TJP1: variants seen among roughly 807,000 people sequenced by gnomAD.
The protein encoded by TJP1 is tight junction protein 1.
TJP1 carries 43 observed loss-of-function variants against 194.2 expected under a neutral mutation model. The ratio of observed to expected loss-of-function variants is 0.22; its 90% CI spans 0.17 to 0.29. The LOEUF (loss-of-function observed/expected upper bound fraction) is 0.29, where lower values mean the gene tolerates loss of function less well. Ranked by LOEUF, TJP1 falls within the 10% of genes least tolerant of loss-of-function variation. TJP1 has a pLI of 1.00. For missense variants in TJP1, 1,971 were observed against 2,185.7 expected, an observed-to-expected ratio of 0.90 and a Z score of 1.96; for synonymous variants, 801 against 779.0, an observed-to-expected ratio of 1.03 and a Z score of -0.47.
At chr15:29,833,024 A>G (rs1346778799) in intron 2 of TJP1, among the ~76,000 whole-genome samples, 4 of 151,962 alleles carry the variant, frequency 2.6e-5, no homozygotes, top group African/African-American at 9.7e-5. Context: ...AGCAGATTCC[A>G]CTCTGTGTAC....
intron 2 of TJP1, among the ~76,000 whole-genome samples, chr15:29,891,361 C>G (rs920343245): frequency 1.3e-5 from 2 of 152,158 alleles, no homozygotes; most frequent in African/African-American, 2.4e-5. Context: ...CCTTTTTGGT[C>G]ATCTTTTCTT....
At chr15:29,960,403 C>A (rs1471247413) in intron 1 of TJP1, among the ~76,000 whole-genome samples, 4 of 151,970 alleles carry the variant, frequency 2.6e-5, no homozygotes, top group African/African-American at 9.7e-5. Context: ...GAGGCCGAGA[C>A]ATGAGGATCT....
At chr15:29,803,264 A>T (rs1452235683) in intron 1 of TJP1, among the ~76,000 whole-genome samples, 2 of 152,192 alleles carry the variant, frequency 1.3e-5, no homozygotes, top group African/African-American at 2.4e-5. Flanking sequence ...TCGAATACAG[A>T]CAGTCCCTGA....
intron 2 of TJP1, among the ~76,000 whole-genome samples, chr15:29,931,149 T>TA (rs1293610800): frequency 6.6e-6 from 1 of 152,146 alleles, no homozygotes; most frequent in African/African-American, 2.4e-5. Context: ...AAAATGTTGT[T>TA]AAAAAAATCA....
At chr15:29,949,472 A>T (rs1328016049) in intron 2 of TJP1, among the ~76,000 whole-genome samples, 61 of 91,028 alleles carry the variant, frequency 6.7e-4, no homozygotes, top group East Asian at 1.4e-3. Flanking sequence ...CACCACCACC[A>T]CCTCCACAAC....
At chr15:29,871,745 G>A (rs1178153865) in intron 2 of TJP1, among the ~76,000 whole-genome samples, 2 of 152,202 alleles carry the variant, frequency 1.3e-5, no homozygotes, top group East Asian at 3.9e-4. Context: ...GAGACCCGAG[G>A]GAGAACTGCC....
intron 11 of TJP1, among the ~76,000 whole-genome samples, chr15:29,736,079 AG>A (rs2044015075): frequency 6.6e-6 from 1 of 152,184 alleles, no homozygotes; most frequent in East Asian, 1.9e-4. Context: ...ATGGAATCTA[AG>A]GAAAAAAGTA....
chr15:29,712,916 A>G (rs1051777597), intron 23 of TJP1, among the ~76,000 whole-genome samples: 7 of 152,154 alleles, frequency 4.6e-5, no homozygotes, highest in Admixed American at 3.3e-4. Context: ...GGAATGGTAA[A>G]TGGAGAGATA....
chr15:29,846,492 AG>A (rs2051415135), intron 2 of TJP1, among the ~76,000 whole-genome samples: 1 of 152,092 alleles, frequency 6.6e-6, no homozygotes, highest in Non-Finnish European at 1.5e-5. Flanking sequence ...CCTGGATAAA[AG>A]GGGGAAATGA....
chr15:29,751,926 T>C (rs905294894), intron 8 of TJP1, among the ~76,000 whole-genome samples: 1 of 152,244 alleles, frequency 6.6e-6, no homozygotes, highest in African/African-American at 2.4e-5. Context: ...CTTTTTATTT[T>C]TGTACTACTT....
chr15:29,819,682 G>A (rs2050190886), intron 1 of TJP1, among the ~76,000 whole-genome samples: 1 of 152,222 alleles, frequency 6.6e-6, no homozygotes, highest in Middle Eastern at 3.4e-3. Flanking sequence ...TACAACACTA[G>A]AAGACACTGA....
At chr15:29,783,033 G>A (rs1339624853) in intron 2 of TJP1, among the ~76,000 whole-genome samples, 1 of 152,094 alleles carries the variant, frequency 6.6e-6, no homozygotes, top group East Asian at 1.9e-4. Flanking sequence ...CAGCACTTTG[G>A]GAGGCTGAGG....
intron 2 of TJP1, among the ~76,000 whole-genome samples, chr15:29,933,962 G>A (rs547179871): frequency 3.3e-5 from 5 of 152,164 alleles, no homozygotes; most frequent in South Asian, 4.2e-4. Flanking sequence ...GGTACGTCAC[G>A]GGACAAAACT....
chr15:29,759,869 G>C (rs1390093417), intron 8 of TJP1: 4 of 247,518 alleles, frequency 1.6e-5, no homozygotes, highest in Non-Finnish European at 3.1e-5. Flanking sequence ...TCATGTGTTC[G>C]ACATTCAGGT....
At chr15:29,723,363 G>C (rs2043049321) in intron 18 of TJP1, among the ~76,000 whole-genome samples, 1 of 152,110 alleles carries the variant, frequency 6.6e-6, no homozygotes, top group South Asian at 2.1e-4. Context: ...CCCAAGCTCT[G>C]TCTGTTTAAA....
At chr15:29,909,338 CAAAAA>C (rs11353216) in intron 2 of TJP1, among the ~76,000 whole-genome samples, 3 of 93,666 alleles carry the variant, frequency 3.2e-5, no homozygotes, top group African/African-American at 8.2e-5. Context: ...ACTTCATCTC[CAAAAA>C]AAAAAAAAAA....
chr15:29,766,622 C>T (rs2046348541), intron 4 of TJP1, 80 bp from the exon 5 acceptor site: 2 of 1,355,008 alleles, frequency 1.5e-6, no homozygotes, highest in African/African-American at 1.5e-5. Context: ...AGGAATATTA[C>T]ACTTCTCATC....
intron 2 of TJP1, among the ~76,000 whole-genome samples, chr15:29,946,536 C>T (rs946331206): frequency 2.0e-5 from 3 of 152,226 alleles, no homozygotes; most frequent in Non-Finnish European, 2.9e-5. Flanking sequence ...GCATCATTTC[C>T]GTGGTATTTC....
chr15:29,736,354 C>A (rs952003238), intron 11 of TJP1, among the ~76,000 whole-genome samples: 1 of 152,140 alleles, frequency 6.6e-6, no homozygotes, highest in African/African-American at 2.4e-5. Context: ...GAGAGAAAGA[C>A]AAGAAAGTGA....
Sources: gnomAD v4.1 joint callset for allele counts (sites outside exome capture counted in the v4.1 genomes callset) on GRCh38, gnomAD v4.1.1 for gene constraint, MANE v1.5 for transcripts, NCBI Gene and HGNC (gene_info 2026-07-23, HGNC 2026-07-21) for gene names.